Variants in ZNF92 observed in about 807,000 individuals in gnomAD.
ZNF92 encodes the protein epididymis luminal protein 203.
Under a neutral mutation model 12.4 loss-of-function variants are expected in ZNF92, and 11 were observed. The observed-to-expected ratio is 0.89, with a 90% CI of 0.56 to 1.47. ZNF92 has a LOEUF of 1.47. ZNF92 is among the 40% of genes most tolerant of loss of function. The probability of loss-of-function intolerance (pLI) is 0.00; values close to 1 mark genes in which losing one functional copy is unlikely to be tolerated. For missense variants in ZNF92, 622 were observed against 681.0 expected (o/e 0.91, Z 0.96); for synonymous variants, 206 against 228.6 (o/e 0.90, Z 0.89).
At chr7:65,376,593 C>G (rs1042032250) in intron 1 of ZNF92, among the ~76,000 whole-genome samples, 2 of 151,994 alleles carry the variant, frequency 1.3e-5, no homozygotes, top group African/African-American at 4.8e-5. Flanking sequence ...ATTACAGGTG[C>G]GTGCCACCAT....
intron 1 of ZNF92, among the ~76,000 whole-genome samples, chr7:65,383,780 G>C (rs886606172): frequency 1.3e-5 from 2 of 152,098 alleles, no homozygotes; most frequent in African/African-American, 2.4e-5. Flanking sequence ...AGCTCCACCA[G>C]GGCAGTTCTG....
chr7:65,396,563 G>A (rs1793851814), intron 3 of ZNF92, among the ~76,000 whole-genome samples: 1 of 152,104 alleles, frequency 6.6e-6, no homozygotes, highest in African/African-American at 2.4e-5. Context: ...CCATCATTAT[G>A]ATAGTAAAGA....
chr7:65,400,145 G>T lies in ZNF92; in HGVS notation c.*270G>T. 3.5e-6 allele frequency: 1 copy of T among 286,822 alleles called. No homozygotes were observed. The allele number at this position is 286,822 out of a possible 1,614,324, so 17.8% of individuals were successfully genotyped here. A position where few individuals can be genotyped will look rare whatever the true frequency, so the allele number is the denominator to read the frequency against. ...AAAAGCCATTTATATCTGCTCACATGTAAAAACATCAGTTCATACTTAATA... is the reference window on the plus strand; with the variant it reads ...AAAAGCCATTTATATCTGCTCACATTTAAAAACATCAGTTCATACTTAATA... On this transcript the variant is annotated 3_prime_UTR_variant, in exon 4 of 4. Transcript: ENST00000328747.
chr7:65,398,662 G>T lies in ZNF92; in HGVS notation c.548G>T (p.Cys183Phe). 6.2e-7 allele frequency: 1 copy of T among 1,611,940 alleles called. No individual in the cohort carries two copies. The highest frequency in any genetic ancestry group is 1.1e-5 in the South Asian group (1 of 90,638). Residue 183 changes from cysteine (C) to phenylalanine (F), a missense_variant, in exon 4 of 4, where the codon TGC becomes TTC. Coordinates refer to ENST00000328747, the MANE Select transcript of ZNF92 (RefSeq NM_152626.4). ...FKCKNRGKSF[C>F]MLSQLTQHKK... ...TGTAAAAACCGTGGCAAATCATTTT[G>T]CATGCTTTCACAATTAACTCAACAT...
At chr7:65,376,488 C>T (rs369975801) in intron 1 of ZNF92, among the ~76,000 whole-genome samples, 6 of 151,974 alleles carry the variant, frequency 3.9e-5, no homozygotes, top group African/African-American at 1.5e-4. Flanking sequence ...GCTCTGTCAC[C>T]CAGGCTGGAG....
intron 3 of ZNF92, among the ~76,000 whole-genome samples, chr7:65,393,842 T>C (rs151208202): frequency 1.3e-5 from 2 of 151,818 alleles, no homozygotes; most frequent in African/African-American, 4.9e-5. Context: ...TATTGAACTT[T>C]ATATGATACT....
intron 2 of ZNF92, chr7:65,388,328 T>G (rs1048287544): frequency 5.7e-6 from 1 of 175,270 alleles, no homozygotes; most frequent in African/African-American, 3.4e-5. Flanking sequence ...CTGGGCAGTA[T>G]TAAATAAAAT....
At chr7:65,376,190 G>A (rs1369541751) in intron 1 of ZNF92, among the ~76,000 whole-genome samples, 1 of 152,032 alleles carries the variant, frequency 6.6e-6, no homozygotes, top group African/African-American at 2.4e-5. Flanking sequence ...TAGGATTACA[G>A]GCGTGAGGCA....
At position 65,398,947 on chromosome 7, in the gene ZNF92, T is replaced by C. The variant is rs1382209577; in HGVS notation, c.833T>C (p.Ile278Thr). The C allele has an allele frequency of 3.1e-6, 5 of 1,613,202 alleles. No homozygotes were observed. In the African/African-American group the frequency reaches 4.0e-5, roughly 13 times the overall value. The change falls in exon 4 of 4, where the codon ATT (isoleucine) becomes ACT (threonine). Residue 278 changes from isoleucine (I) to threonine (T), a missense_variant. Transcript: ENST00000328747. ...TCAACCCTTACTAAACATAAAAGAA[T>C]TCATACAGAAGAGAAACCCTACAAA... ...RSSTLTKHKR[I>T]HTEEKPYKCE...
rs1198251483 is a variant in ZNF92 at position 65,398,642 on chromosome 7, A to G, written c.528A>G (p.Lys176=). 1 of 1,612,044 alleles carries G rather than the reference A, an allele frequency of 6.2e-7. No individual in the cohort carries two copies. The highest frequency in any genetic ancestry group is 1.3e-5 in the African/African-American group (1 of 74,792). The change falls in exon 4 of 4, where the codon AAA becomes AAG. Residue 176 remains lysine, a synonymous_variant. Transcript: ENST00000328747. ...CTGGAAAGAAACCTTTCAAATGTAA[A>G]AACCGTGGCAAATCATTTTGCATGC... ...RHTGKKPFKC[K]NRGKSFCMLS...
intron 3 of ZNF92, among the ~76,000 whole-genome samples, chr7:65,395,484 G>A (rs1259972356): frequency 6.6e-6 from 1 of 152,104 alleles, no homozygotes; most frequent in East Asian, 1.9e-4. Flanking sequence ...GTTGGTCTAT[G>A]ATATTGTTTG....
chr7:65,383,151 A>T (rs1446523454), intron 1 of ZNF92, among the ~76,000 whole-genome samples: 1 of 152,120 alleles, frequency 6.6e-6, no homozygotes, highest in Non-Finnish European at 1.5e-5. Context: ...CTGCTGCTAG[A>T]TTCCAGGCAA....
At chr7:65,398,251 G>T in intron 3 of ZNF92, 90 bp from the exon 4 acceptor site, 1 of 1,106,532 alleles carries the variant, frequency 9.0e-7, no homozygotes, top group Non-Finnish European at 1.2e-6. Flanking sequence ...TGCTTATGTT[G>T]TAGTTTGTAC....
At chr7:65,398,176 C>T (rs956124317) in intron 3 of ZNF92, among the ~76,000 whole-genome samples, 165 bp from the exon 4 acceptor site, 1 of 152,028 alleles carries the variant, frequency 6.6e-6, no homozygotes, top group African/African-American at 2.4e-5. Flanking sequence ...GTATTTTGGT[C>T]AGTATATTTT....
In ZNF92 at chr7:65,399,693, C is replaced by T. The variant is rs1309815174; in HGVS notation, c.1579C>T (p.Arg527Cys). 13 of 1,613,434 alleles carry T rather than the reference C, an allele frequency of 8.1e-6. No individual in the cohort carries two copies. Among genetic ancestry groups the T allele is most frequent in the African/African-American group, 1.3e-5 (1 of 74,862 alleles). ...TAACCAGTCCTCAAACCTTACTGCA[C>T]GTAAGATAATTTATACTGGAGAGAA... ...AFNQSSNLTARKIIYTGEKPY... is the reference protein window; with the variant it reads ...AFNQSSNLTACKIIYTGEKPY... The change falls in exon 4 of 4, where the codon CGT becomes TGT. Residue 527 changes from arginine to cysteine, a missense_variant. Coordinates refer to ENST00000328747, the MANE Select transcript of ZNF92 (RefSeq NM_152626.4).
intron 3 of ZNF92, among the ~76,000 whole-genome samples, chr7:65,395,178 C>T (rs1793814709): frequency 6.6e-6 from 1 of 151,954 alleles, no homozygotes; most frequent in South Asian, 2.1e-4. Context: ...CCTCAGCCTC[C>T]TGAACAGCTG....
chr7:65,389,205 C>T lies in ZNF92; in HGVS notation c.226+304C>T, dbSNP rs776494259. On this transcript the variant is annotated intron_variant, in intron 3 of 3. Coordinates refer to ENST00000328747, the MANE Select transcript of ZNF92 (RefSeq NM_152626.4). ...AACTCTCGACTTCAGGTGATCCGCC[C>T]GCCTCAGCCTTCCAAAAGTGCTGGG... 2.8e-4 allele frequency among the ~76,000 whole-genome samples: 42 copies of T among 152,176 alleles called. 1 individual carries two copies. The highest frequency in any genetic ancestry group is 3.4e-3 in the Middle Eastern group (1 of 294).
chr7:65,392,718 TAG>T (rs1250181667), intron 3 of ZNF92, among the ~76,000 whole-genome samples: 1 of 151,926 alleles, frequency 6.6e-6, no homozygotes, highest in Non-Finnish European at 1.5e-5. Context: ...GTATTTTTAG[TAG>T]AGACAGGGTT....
intron 1 of ZNF92, among the ~76,000 whole-genome samples, chr7:65,383,710 ATTC>A (rs1174813451): frequency 6.6e-6 from 1 of 152,120 alleles, no homozygotes; most frequent in Non-Finnish European, 1.5e-5. Context: ...GGAGTAGAGT[ATTC>A]TTGTCCTTTC....
Sources: gnomAD v4.1 joint callset for allele counts (sites outside exome capture counted in the v4.1 genomes callset) on GRCh38, gnomAD v4.1.1 for gene constraint, MANE v1.5 for transcripts, NCBI Gene and HGNC (gene_info 2026-07-23, HGNC 2026-07-21) for gene names.